The following FUT9 variants were observed in gnomAD, a reference collection of about 807,000 sequenced individuals.
The protein encoded by FUT9 is fucosyltransferase 9, also known as 4-galactosyl-N-acetylglucosaminide 3-alpha-L-fucosyltransferase 9.
Under a neutral mutation model 29.7 loss-of-function variants are expected in FUT9, and 15 were observed. That is an observed-to-expected ratio of 0.51 (90% CI 0.34 to 0.78). The LOEUF (loss-of-function observed/expected upper bound fraction) is 0.78. Among genes scored for constraint, FUT9 ranks in the 30% least tolerant of loss-of-function variants. The pLI, the probability that FUT9 is intolerant of heterozygous loss-of-function variation, is 0.01. For synonymous variants in FUT9, 169 were observed against 153.7 expected, an observed-to-expected ratio of 1.10 and a Z score of -0.74; for missense variants, 319 against 425.4, an observed-to-expected ratio of 0.75 and a Z score of 2.20.
intron 2 of FUT9, among the ~76,000 whole-genome samples, chr6:96,183,072 C>T (rs547184459): frequency 3.9e-5 from 6 of 152,190 alleles, no homozygotes; most frequent in Non-Finnish European, 7.4e-5. Flanking sequence ...CATCCATGAG[C>T]ACGGGATGTG....
chr6:96,126,456 GC>G, intron 2 of FUT9, among the ~76,000 whole-genome samples: 1 of 152,080 alleles, frequency 6.6e-6, no homozygotes, highest in Non-Finnish European at 1.5e-5. Context: ...CTCCCTTCAG[GC>G]CCCGCCTCCA....
chr6:96,089,505 T>A (rs1353809474), intron 1 of FUT9, among the ~76,000 whole-genome samples: 2 of 152,210 alleles, frequency 1.3e-5, no homozygotes, highest in Non-Finnish European at 2.9e-5. Flanking sequence ...TTGTTTGATG[T>A]ATTTGCTTTC....
At chr6:96,021,912 C>A (rs1217577849) in intron 1 of FUT9, among the ~76,000 whole-genome samples, 1 of 151,912 alleles carries the variant, frequency 6.6e-6, no homozygotes, top group Non-Finnish European at 1.5e-5. Context: ...CATGAAGGAT[C>A]TGGTTAATTT....
At chr6:96,193,565 G>A (rs897113145) in intron 2 of FUT9, among the ~76,000 whole-genome samples, 54 of 151,912 alleles carry the variant, frequency 3.6e-4, no homozygotes, top group Non-Finnish European at 5.4e-4. Flanking sequence ...AAGTGCTGGC[G>A]AGGATGTGGA....
chr6:96,189,965 A>C (rs1399690782), intron 2 of FUT9, among the ~76,000 whole-genome samples: 3 of 152,098 alleles, frequency 2.0e-5, no homozygotes, highest in Non-Finnish European at 4.4e-5. Flanking sequence ...TTAGCTGGTT[A>C]TTTTGCTCAT....
intron 2 of FUT9, among the ~76,000 whole-genome samples, chr6:96,125,928 C>T (rs1425209313): frequency 8.5e-5 from 13 of 152,158 alleles, no homozygotes; most frequent in Non-Finnish European, 1.9e-4. Flanking sequence ...AGGTTCTCCA[C>T]CAAGTGCTCT....
intron 1 of FUT9, among the ~76,000 whole-genome samples, chr6:96,029,766 G>A (rs1770229442): frequency 6.6e-6 from 1 of 151,428 alleles, no homozygotes; most frequent in East Asian, 1.9e-4. Flanking sequence ...TATCAAACAG[G>A]GACTATGACT....
chr6:96,098,363 GT>G (rs1351218416), intron 1 of FUT9, among the ~76,000 whole-genome samples: 1 of 152,118 alleles, frequency 6.6e-6, no homozygotes, highest in Non-Finnish European at 1.5e-5. Flanking sequence ...TAAGATTCAA[GT>G]AATGTTCCAG....
At chr6:96,163,610 A>G (rs1308247452) in intron 2 of FUT9, among the ~76,000 whole-genome samples, 1 of 151,964 alleles carries the variant, frequency 6.6e-6, no homozygotes, top group Admixed American at 6.6e-5. Flanking sequence ...TTTTTTGTCT[A>G]TAAATTAGTT....
intron 1 of FUT9, among the ~76,000 whole-genome samples, chr6:96,107,951 G>T (rs1458274040): frequency 6.7e-6 from 1 of 149,252 alleles, no homozygotes; most frequent in Non-Finnish European, 1.5e-5. Context: ...AGCTGTAGAA[G>T]TAAGTACAAA....
chr6:96,107,831 T>G (rs1161624311), intron 1 of FUT9, among the ~76,000 whole-genome samples: 1 of 152,164 alleles, frequency 6.6e-6, no homozygotes, highest in East Asian at 1.9e-4. Flanking sequence ...TACATCCTAT[T>G]CACTTTAACT....
At chr6:96,091,112 T>C (rs1399275636) in intron 1 of FUT9, among the ~76,000 whole-genome samples, 2 of 152,066 alleles carry the variant, frequency 1.3e-5, no homozygotes, top group East Asian at 3.9e-4. Flanking sequence ...ATATGTACAC[T>C]GACATCTTAT....
chr6:96,107,154 A>G (rs1041375359), intron 1 of FUT9, among the ~76,000 whole-genome samples: 12 of 152,180 alleles, frequency 7.9e-5, no homozygotes, highest in African/African-American at 2.9e-4. Context: ...TTTCTCCAGC[A>G]TCTGAAGGCA....
intron 2 of FUT9, among the ~76,000 whole-genome samples, chr6:96,189,108 C>T (rs1158401069): frequency 6.6e-6 from 1 of 151,738 alleles, no homozygotes; most frequent in African/African-American, 2.4e-5. Context: ...GGAGACTGTT[C>T]GGGGAAGGTT....
At chr6:96,167,892 A>G (rs575945507) in intron 2 of FUT9, among the ~76,000 whole-genome samples, 3 of 152,168 alleles carry the variant, frequency 2.0e-5, no homozygotes, top group Non-Finnish European at 4.4e-5. Context: ...ACGAGTGGCC[A>G]GGGAACTGGG....
chr6:96,151,787 C>T (rs941915602), intron 2 of FUT9, among the ~76,000 whole-genome samples: 8 of 152,144 alleles, frequency 5.3e-5, no homozygotes, highest in Middle Eastern at 3.2e-3. Flanking sequence ...CAGGAAGCAA[C>T]GATCCAGTAT....
At chr6:96,118,687 T>C (rs965725690) in intron 2 of FUT9, among the ~76,000 whole-genome samples, 1 of 152,176 alleles carries the variant, frequency 6.6e-6, no homozygotes, top group Non-Finnish European at 1.5e-5. Flanking sequence ...GACAGGTCTT[T>C]CAGGAGGTAT....
At chr6:96,049,125 C>A (rs1450229771) in intron 1 of FUT9, among the ~76,000 whole-genome samples, 1 of 152,092 alleles carries the variant, frequency 6.6e-6, no homozygotes, top group Non-Finnish European at 1.5e-5. Context: ...GGAATGGATC[C>A]TCTTGAAGTA....
chr6:96,125,464 T>A (rs1772116912), intron 2 of FUT9, among the ~76,000 whole-genome samples: 1 of 152,236 alleles, frequency 6.6e-6, no homozygotes, highest in Admixed American at 6.5e-5. Flanking sequence ...TAACAATAAC[T>A]GTTAGCATTT....
Sources: gnomAD v4.1 joint callset for allele counts (sites outside exome capture counted in the v4.1 genomes callset) on GRCh38, gnomAD v4.1.1 for gene constraint, MANE v1.5 for transcripts, NCBI Gene and HGNC (gene_info 2026-07-23, HGNC 2026-07-21) for gene names.